Variants in ELF2 observed in about 807,000 individuals in gnomAD.
ELF2 encodes the protein ETS-related transcription factor Elf-2.
A neutral mutation model predicts 54.8 loss-of-function variants in ELF2; 11 were observed. The ratio of observed to expected loss-of-function variants is 0.20; its 90% CI spans 0.13 to 0.33. ELF2 has a LOEUF of 0.33. Ranked by LOEUF, ELF2 falls within the 10% of genes least tolerant of loss-of-function variation. ELF2 has a pLI of 1.00. For synonymous variants in ELF2, 203 were observed against 245.1 expected (o/e 0.83, Z 1.61); for missense variants, 513 against 703.0 (o/e 0.73, Z 3.06).
chr4:139,141,764 C>T (rs144217882), intron 1 of ELF2, among the ~76,000 whole-genome samples: 4 of 152,116 alleles, frequency 2.6e-5, no homozygotes, highest in East Asian at 1.9e-4. Flanking sequence ...CCCTTACAGG[C>T]GGGTGTTTCC....
chr4:139,142,169 TA>T (rs1296637394), intron 1 of ELF2, among the ~76,000 whole-genome samples: 1 of 152,060 alleles, frequency 6.6e-6, no homozygotes, highest in Non-Finnish European at 1.5e-5. Flanking sequence ...ACCAAAGAGA[TA>T]GGGATTATTT....
At chr4:139,099,478 C>T (rs1194136768) in intron 4 of ELF2, among the ~76,000 whole-genome samples, 1 of 152,150 alleles carries the variant, frequency 6.6e-6, no homozygotes, top group Non-Finnish European at 1.5e-5. Context: ...GTAAAACTTC[C>T]TAAATACATG....
intron 7 of ELF2, among the ~76,000 whole-genome samples, chr4:139,063,914 A>G (rs1174044764): frequency 2.0e-5 from 3 of 151,986 alleles, no homozygotes; most frequent in African/African-American, 7.2e-5. Flanking sequence ...CTCCCTTATT[A>G]TGGAGGAGAG....
rs563549192 is a variant in ELF2, at chr4:139,122,099, G to A, written c.238+3065C>T. ...AATAAAAGGGTAAAAACACTCCAAT[G>A]AGAACATGCAGAGAACTGTCAGAAC... On this transcript the variant is annotated intron_variant, in intron 4 of 9. Coordinates refer to ENST00000686138, the MANE Select transcript of ELF2 (RefSeq NM_001331036.3). 3.9e-5 allele frequency among the ~76,000 whole-genome samples: 6 copies of A among 152,296 alleles called. No individual in the cohort carries two copies. The South Asian group carries it at 1.2e-3, about 32-fold the overall frequency.
At chr4:139,087,408 C>T (rs561269772) in intron 4 of ELF2, among the ~76,000 whole-genome samples, 21 of 152,308 alleles carry the variant, frequency 1.4e-4, no homozygotes, top group Non-Finnish European at 2.5e-4. Context: ...ATCTGCTGTG[C>T]CCAGCCCTGC....
rs773788755 is a variant in ELF2 at position 139,137,672 on chromosome 4, A to G, written c.30T>C (p.Gly10=). MTSAVVDSG[G]TILELSSNGV... ...CATTGCTGGAAAGCTCCAAAATAGTACCTCCACTGTCAACCACTGCTGATG... is the reference window on the plus strand; with the variant it reads ...CATTGCTGGAAAGCTCCAAAATAGTGCCTCCACTGTCAACCACTGCTGATG... The change falls in exon 3 of 10, where the codon GGT becomes GGC. Residue 10 remains glycine (G), a synonymous_variant. Coordinates refer to ENST00000686138, the MANE Select transcript of ELF2 (RefSeq NM_001331036.3). 15 of 1,613,958 alleles carry G rather than the reference A, an allele frequency of 9.3e-6. No individual in the cohort carries two copies. Among genetic ancestry groups the G allele is most frequent in the Middle Eastern group, 1.6e-4 (1 of 6,082 alleles).
chr4:139,086,715 C>T (rs933644305), intron 4 of ELF2, among the ~76,000 whole-genome samples: 12 of 152,050 alleles, frequency 7.9e-5, no homozygotes, highest in African/African-American at 2.9e-4. Context: ...TCCCCACCCA[C>T]CAAGGGTGAA....
Position 139,058,940 on chromosome 4 carries a change from G to A in ELF2, c.*43C>T, listed in dbSNP as rs1452164256. ...ACTTCCCTTGCAAATGTTTATGTCA[G>A]TACTGCCACTAACAGCCTGAAGTCC... On this transcript the variant is annotated 3_prime_UTR_variant, in exon 10 of 10. Transcript: ENST00000686138. 2 of 1,547,614 alleles carry A rather than the reference G, an allele frequency of 1.3e-6. No individual in the cohort carries two copies. Among genetic ancestry groups the A allele is most frequent in the Non-Finnish European group, 1.7e-6 (2 of 1,149,970 alleles).
chr4:139,147,800 T>C (rs1381471132), intron 1 of ELF2, among the ~76,000 whole-genome samples: 4 of 145,378 alleles, frequency 2.8e-5, no homozygotes, highest in Non-Finnish European at 6.0e-5. Flanking sequence ...TTTTTTTTTT[T>C]CCTGAGATGG....
At chr4:139,164,706 G>A (rs1452524174) in intron 1 of ELF2, among the ~76,000 whole-genome samples, 1 of 152,110 alleles carries the variant, frequency 6.6e-6, no homozygotes, top group East Asian at 1.9e-4. Flanking sequence ...GTCTTGATCT[G>A]TTCTTAGTAA....
intron 3 of ELF2, among the ~76,000 whole-genome samples, chr4:139,134,992 T>G (rs1450769673): frequency 6.6e-6 from 1 of 152,098 alleles, no homozygotes; most frequent in Non-Finnish European, 1.5e-5. Context: ...TTTACTATTT[T>G]GGGACATCAT....
chr4:139,139,502 C>T lies in ELF2; in HGVS notation c.-251-5G>A, dbSNP rs1436340932. 9.0e-6 allele frequency: 11 copies of T among 1,225,014 alleles called. No homozygotes were observed. The highest frequency in any genetic ancestry group is 1.1e-5 in the Non-Finnish European group (11 of 983,648). The allele number at this position is 1,225,014 out of a possible 1,614,324, so 75.9% of individuals were successfully genotyped here. ...TGAACCAGTAGTTCTTTGGAACTGC[C>T]AGCGGGAGGGGAAAAAAGATAATAT... On this transcript the variant is annotated splice_polypyrimidine_tract_variant and splice_region_variant and intron_variant, in intron 1 of 9. Coordinates refer to ENST00000686138, the MANE Select transcript of ELF2 (RefSeq NM_001331036.3).
chr4:139,068,065 C>T (rs1007295658), intron 6 of ELF2, among the ~76,000 whole-genome samples: 3 of 151,358 alleles, frequency 2.0e-5, no homozygotes, highest in Non-Finnish European at 4.4e-5. Flanking sequence ...CTTGCTCTGT[C>T]GCCCAGGCTG....
intron 1 of ELF2, among the ~76,000 whole-genome samples, chr4:139,147,134 T>G (rs201421991): frequency 1.3e-5 from 2 of 152,128 alleles, no homozygotes; most frequent in East Asian, 1.9e-4. Context: ...TCGCCAACTA[T>G]GCATCCAACA....
intron 1 of ELF2, among the ~76,000 whole-genome samples, chr4:139,169,967 C>G (rs1201555230): frequency 6.6e-6 from 1 of 151,658 alleles, no homozygotes; most frequent in Non-Finnish European, 1.5e-5. Context: ...ATAAATACTG[C>G]TTTCTTTCAG....
At chr4:139,114,642 C>CTTT (rs59282364) in intron 4 of ELF2, among the ~76,000 whole-genome samples, 21,293 of 104,158 alleles carry the variant, frequency 0.2, 2,771 homozygotes, top group South Asian at 0.3. Flanking sequence ...TTTTTTCTTT[C>CTTT]TTTTTTTTTT....
At position 139,106,920 on chromosome 4, in the gene ELF2, G is replaced by T. The variant is rs558386625; in HGVS notation, c.238+18244C>A. On this transcript the variant is annotated intron_variant, in intron 4 of 9. Coordinates refer to ENST00000686138, the MANE Select transcript of ELF2 (RefSeq NM_001331036.3). ...CACCATGCCTGGCTATTTTTTTTTTGTATTTAGCAGAGAAGGGGTTTCACC... is the reference window on the plus strand; with the variant it reads ...CACCATGCCTGGCTATTTTTTTTTTTTATTTAGCAGAGAAGGGGTTTCACC... Among the ~76,000 whole-genome samples the T allele has an allele frequency of 5.8e-3, 865 of 149,520 alleles. 12 individuals carry two copies. Among genetic ancestry groups the T allele is most frequent in the Admixed American group, 0.024 (358 of 15,028 alleles).
At chr4:139,083,636 T>C (rs1347322329) in intron 4 of ELF2, among the ~76,000 whole-genome samples, 1 of 152,174 alleles carries the variant, frequency 6.6e-6, no homozygotes, top group African/African-American at 2.4e-5. Context: ...GTGGACGAAG[T>C]CTGAAGGGAG....
At chr4:139,161,694 G>A (rs1194818291) in intron 1 of ELF2, among the ~76,000 whole-genome samples, 1 of 150,882 alleles carries the variant, frequency 6.6e-6, no homozygotes, top group African/African-American at 2.4e-5. Flanking sequence ...GAGTAGGCCG[G>A]GCGCGGTGGC....
Sources: gnomAD v4.1 joint callset for allele counts (sites outside exome capture counted in the v4.1 genomes callset) on GRCh38, gnomAD v4.1.1 for gene constraint, MANE v1.5 for transcripts, NCBI Gene and HGNC (gene_info 2026-07-23, HGNC 2026-07-21) for gene names.